TBX15: variants seen among roughly 807,000 people sequenced by gnomAD.
TBX15 encodes the protein T-box transcription factor 15.
Under a neutral mutation model 53.9 loss-of-function variants are expected in TBX15, and 18 were observed. That is an observed-to-expected ratio of 0.33 (90% CI 0.23 to 0.49). The LOEUF (loss-of-function observed/expected upper bound fraction) is 0.49. Among genes scored for constraint, TBX15 ranks in the 20% least tolerant of loss-of-function variants. The pLI, the probability that TBX15 is intolerant of heterozygous loss-of-function variation, is 0.98. For synonymous variants in TBX15, 295 were observed against 278.0 expected (o/e 1.06, Z -0.61); for missense variants, 692 against 749.5 (o/e 0.92, Z 0.90).
intron 7 of TBX15, chr1:118,891,035 G>C: frequency 1.1e-6 from 1 of 939,554 alleles, no homozygotes; most frequent in Non-Finnish European, 1.5e-6. Context: ...CCCAGAGATC[G>C]TAAAGTTTAA....
chr1:118,910,273 C>A (rs1286358404), intron 6 of TBX15, among the ~76,000 whole-genome samples: 1 of 152,158 alleles, frequency 6.6e-6, no homozygotes, highest in East Asian at 1.9e-4. Context: ...AATTTTTAAG[C>A]CCATGTGTGT....
At position 118,961,786 on chromosome 1, in the gene TBX15, C is replaced by G. The variant is rs1021025443; in HGVS notation, c.205+25805G>C. Among the ~76,000 whole-genome samples the G allele has an allele frequency of 3.9e-5, 6 of 152,278 alleles. No individual in the cohort carries two copies. In the South Asian group the frequency reaches 1.2e-3, roughly 32 times the overall value. On this transcript the variant is annotated intron_variant, in intron 1 of 7. Transcript: ENST00000369429. ...TGGTACCTGCTACCTGGGGGACTCT[C>G]TGGTGAGCTCTGAGGGGAATGCAAA...
intron 1 of TBX15, among the ~76,000 whole-genome samples, chr1:118,936,551 A>T (rs1224330962): frequency 2.6e-5 from 4 of 152,104 alleles, no homozygotes; most frequent in Non-Finnish European, 2.9e-5. Flanking sequence ...TCTTTCTGCT[A>T]AAAAAAGTTA....
Position 118,968,582 on chromosome 1 carries a change from C to T in TBX15, c.205+19009G>A, listed in dbSNP as rs192982886. ...AATGGTGTGTATATATACACACATA[C>T]ACATATATATTGCGAATATATGCAT... On this transcript the variant is annotated intron_variant, in intron 1 of 7. Coordinates refer to ENST00000369429, the MANE Select transcript of TBX15 (RefSeq NM_001330677.2). 5.3e-4 allele frequency among the ~76,000 whole-genome samples: 81 copies of T among 152,252 alleles called. 2 individuals are homozygous for T. The highest frequency in any genetic ancestry group is 1.7e-3 in the African/African-American group (72 of 41,524).
At chr1:118,896,693 C>T (rs1654440785) in intron 7 of TBX15, among the ~76,000 whole-genome samples, 2 of 152,156 alleles carry the variant, frequency 1.3e-5, no homozygotes, top group African/African-American at 4.8e-5. Context: ...CCACTAGAAG[C>T]TCATTCCTCT....
chr1:118,899,157 T>A (rs749801783), intron 6 of TBX15, 32 bp from the exon 7 acceptor site: 1 of 1,596,074 alleles, frequency 6.3e-7, no homozygotes, highest in Non-Finnish European at 8.6e-7. Flanking sequence ...AAGGAAGTCA[T>A]AAATAATTTC....
chr1:118,966,688 T>C (rs2101690262), intron 1 of TBX15, among the ~76,000 whole-genome samples: 1 of 152,342 alleles, frequency 6.6e-6, no homozygotes, highest in Middle Eastern at 3.4e-3. Flanking sequence ...ACAGCTCTGC[T>C]CATACCTGGC....
upstream of TBX15, among the ~76,000 whole-genome samples, chr1:118,988,537 A>C (rs1657924388): frequency 6.6e-6 from 1 of 152,044 alleles, no homozygotes; most frequent in Non-Finnish European, 1.5e-5. Context: ...CCCATGGGTT[A>C]CTCCAAGAGG....
intron 6 of TBX15, among the ~76,000 whole-genome samples, chr1:118,903,516 T>C (rs1176683429): frequency 6.6e-6 from 1 of 152,158 alleles, no homozygotes; most frequent in Non-Finnish European, 1.5e-5. Flanking sequence ...CTTTTTAATG[T>C]TTCCTTTGTT....
chr1:118,974,698 C>T (rs1199510922), intron 1 of TBX15, among the ~76,000 whole-genome samples: 1 of 152,206 alleles, frequency 6.6e-6, no homozygotes, highest in Non-Finnish European at 1.5e-5. Flanking sequence ...CTGCAAATAA[C>T]TGCTACCATA....
chr1:118,902,196 G>C (rs1299260546), intron 6 of TBX15, among the ~76,000 whole-genome samples: 3 of 151,892 alleles, frequency 2.0e-5, no homozygotes, highest in Non-Finnish European at 4.4e-5. Flanking sequence ...TTGCTTTTTA[G>C]AAAAATTAAT....
chr1:118,968,276 G>A (rs748215461), intron 1 of TBX15, among the ~76,000 whole-genome samples: 7 of 152,210 alleles, frequency 4.6e-5, no homozygotes, highest in Non-Finnish European at 8.8e-5. Context: ...GTGCAGTGGC[G>A]TGATCTTGGC....
chr1:118,972,903 TG>T (rs1657282509), intron 1 of TBX15, among the ~76,000 whole-genome samples: 1 of 152,124 alleles, frequency 6.6e-6, no homozygotes, highest in Admixed American at 6.5e-5. Flanking sequence ...CCCGGCCAAA[TG>T]GTTTCTCATA....
chr1:118,887,650 G>T (rs981395997), intron 7 of TBX15, among the ~76,000 whole-genome samples: 2 of 150,714 alleles, frequency 1.3e-5, no homozygotes. Context: ...ACGCTGGCCT[G>T]GGCAACAAGA....
At chr1:118,908,875 A>G (rs1338159590) in intron 6 of TBX15, among the ~76,000 whole-genome samples, 1 of 151,274 alleles carries the variant, frequency 6.6e-6, no homozygotes, top group African/African-American at 2.4e-5. Flanking sequence ...ATAGACACAC[A>G]CTCACACATA....
intron 1 of TBX15, among the ~76,000 whole-genome samples, chr1:118,950,645 G>T (rs1656484938): frequency 6.6e-6 from 1 of 152,146 alleles, no homozygotes; most frequent in South Asian, 2.1e-4. Context: ...CTCTCATGTG[G>T]TTTTGTTGTT....
chr1:118,940,109 T>C (rs1656121110), intron 1 of TBX15, among the ~76,000 whole-genome samples: 1 of 151,878 alleles, frequency 6.6e-6, no homozygotes, highest in Non-Finnish European at 1.5e-5. Context: ...TACTCTGAAC[T>C]CAGAAATGCA....
Position 118,957,174 on chromosome 1 carries a change from T to A in TBX15, c.206-25342A>T, listed in dbSNP as rs150446649. On this transcript the variant is annotated intron_variant, in intron 1 of 7. Transcript: ENST00000369429. ...ATGTTGGGTAAAATTCAAACTATTG[T>A]TGAACAATGAAAAAAATTGAGCATT... Among the ~76,000 whole-genome samples, 318 of 152,340 alleles carry A rather than the reference T, an allele frequency of 2.1e-3. 3 individuals are homozygous for A. Among genetic ancestry groups the A allele is most frequent in the African/African-American group, 7.5e-3 (311 of 41,576 alleles).
intron 5 of TBX15, among the ~76,000 whole-genome samples, chr1:118,920,577 G>A (rs1399871704): frequency 1.3e-5 from 2 of 152,088 alleles, no homozygotes; most frequent in East Asian, 1.9e-4. Flanking sequence ...GGAAAGACTC[G>A]GGGTCCAGCA....
Sources: allele counts gnomAD v4.1 joint callset (sites outside exome capture counted in the v4.1 genomes callset), GRCh38; gene constraint gnomAD v4.1.1; transcripts MANE v1.5; gene names NCBI Gene and HGNC (gene_info 2026-07-23, HGNC 2026-07-21).